DSE: variants seen among roughly 807,000 people sequenced by gnomAD.
DSE encodes the protein dermatan-sulfate epimerase.
In DSE, 36 loss-of-function variants were observed where a neutral mutation model predicts 84.4. The observed-to-expected ratio is 0.43, with a 90% CI of 0.33 to 0.56. DSE has a LOEUF of 0.56. Among genes scored for constraint, DSE ranks in the 20% least tolerant of loss-of-function variants. DSE has a pLI of 0.06. For missense variants in DSE, 862 were observed against 1,169.6 expected, an observed-to-expected ratio of 0.74 and a Z score of 3.84; for synonymous variants, 410 against 430.1, an observed-to-expected ratio of 0.95 and a Z score of 0.58.
chr6:116,288,628 A>T (rs1428208955), intron 2 of DSE: 1 of 152,114 alleles, frequency 6.6e-6, no homozygotes, highest in Non-Finnish European at 1.5e-5. Flanking sequence ...ATATGTGTCT[A>T]TTTTGATTTA....
At chr6:116,378,094 A>G (rs1780028996) in intron 1 of DSE, among the ~76,000 whole-genome samples, 1 of 152,052 alleles carries the variant, frequency 6.6e-6, no homozygotes, top group African/African-American at 2.4e-5. Flanking sequence ...AGGAAGGAAA[A>G]AAGTAGCCTG....
intron 2 of DSE, among the ~76,000 whole-genome samples, chr6:116,269,098 C>T (rs551175169): frequency 7.2e-5 from 11 of 151,918 alleles, no homozygotes; most frequent in African/African-American, 2.7e-4. Flanking sequence ...AAGGCTCTGA[C>T]CTGAATGACC....
chr6:116,365,982 C>G (rs1451501066), upstream of DSE: 1 of 152,244 alleles, frequency 6.6e-6, no homozygotes. Context: ...CCAGTCCACA[C>G]AAGACTGATT....
chr6:116,396,307 G>C (rs1451032867), intron 1 of DSE, among the ~76,000 whole-genome samples: 1 of 152,226 alleles, frequency 6.6e-6, no homozygotes, highest in Non-Finnish European at 1.5e-5. Flanking sequence ...AGATACAAGA[G>C]AGATCAACTC....
chr6:116,336,256 T>C (rs1257935678), intron 2 of DSE, among the ~76,000 whole-genome samples: 2 of 152,218 alleles, frequency 1.3e-5, no homozygotes, highest in African/African-American at 4.8e-5. Flanking sequence ...AGAATCTAAA[T>C]AGTTATCTAG....
At chr6:116,418,173 G>T (rs570290333) in intron 2 of DSE, among the ~76,000 whole-genome samples, 19 of 152,208 alleles carry the variant, frequency 1.2e-4, no homozygotes, top group Non-Finnish European at 2.6e-4. Flanking sequence ...ATGTTGACAG[G>T]AACAAACAAA....
rs150755633 is a variant in DSE at position 116,432,035 on chromosome 6, C to G, written c.910+842C>G. Among the ~76,000 whole-genome samples the G allele has an allele frequency of 2.8e-3, 430 of 152,230 alleles. 2 individuals are homozygous for G. Among genetic ancestry groups the G allele is most frequent in the Middle Eastern group, 0.02 (6 of 294 alleles). On this transcript the variant is annotated intron_variant, in intron 4 of 5. Coordinates refer to ENST00000644252, the MANE Select transcript of DSE (RefSeq NM_013352.4). ...GATTAATAGAATCTCCATTATTGGA[C>G]TAATTCAAAAATATTGCAGAGCATA...
intron 2 of DSE, among the ~76,000 whole-genome samples, chr6:116,263,692 T>C (rs892812472): frequency 1.3e-5 from 2 of 152,222 alleles, no homozygotes; most frequent in Admixed American, 6.5e-5. Flanking sequence ...GGTTGCTTTA[T>C]AATGTCCCTA....
At chr6:116,313,361 A>T (rs1775796529) in intron 2 of DSE, among the ~76,000 whole-genome samples, 1 of 152,222 alleles carries the variant, frequency 6.6e-6, no homozygotes, top group South Asian at 2.1e-4. Context: ...AGCCTTAGGA[A>T]ACTAATACAG....
chr6:116,365,816 C>G (rs1779137230), upstream of DSE, among the ~76,000 whole-genome samples: 1 of 152,204 alleles, frequency 6.6e-6, no homozygotes, highest in Non-Finnish European at 1.5e-5. Context: ...ACTGCCACGA[C>G]AATCCTTATC....
chr6:116,391,143 C>CA (rs2114973792), intron 1 of DSE, among the ~76,000 whole-genome samples: 1 of 152,296 alleles, frequency 6.6e-6, no homozygotes, highest in East Asian at 1.9e-4. Context: ...ACTGGTATAA[C>CA]AAAGAAAGTG....
chr6:116,309,783 A>T lies in DSE; in HGVS notation c.-54+50816A>T, dbSNP rs1321842021. ...GAGGAATGCTGTGTCTTCATATGGC[A>T]GAAGGCAGAAGGACAAAAAGGGAGC... On this transcript the variant is annotated intron_variant, in intron 2 of 3. Transcript: ENST00000430252. Among the ~76,000 whole-genome samples the T allele has an allele frequency of 2.0e-5, 3 of 152,220 alleles. No individual in the cohort carries two copies. In the East Asian group the frequency reaches 5.8e-4, roughly 29 times the overall value.
In DSE at chr6:116,399,249, C is replaced by A. The variant is rs763721304; in HGVS notation, c.-2C>A. The A allele has an allele frequency of 1.2e-6, 2 of 1,613,668 alleles. No individual in the cohort carries two copies. Among genetic ancestry groups the A allele is most frequent in the East Asian group, 4.5e-5 (2 of 44,878 alleles). On this transcript the variant is annotated 5_prime_UTR_variant, in exon 2 of 6. Coordinates refer to ENST00000644252, the MANE Select transcript of DSE (RefSeq NM_013352.4). ...TTGGAGATTTGGAGATCTGATGCCA[C>A]GATGAGGACTCACACACGGGGGGCT... is the stretch of plus-strand genomic sequence containing the variant.
At chr6:116,356,805 C>T (rs1778599153) in intron 2 of DSE, among the ~76,000 whole-genome samples, 1 of 152,142 alleles carries the variant, frequency 6.6e-6, no homozygotes, top group South Asian at 2.1e-4. Context: ...AGTAGCCACA[C>T]TGAGTGTTTT....
At chr6:116,355,829 C>T (rs1778537377) in intron 2 of DSE, 1 of 152,208 alleles carries the variant, frequency 6.6e-6, no homozygotes, top group Non-Finnish European at 1.5e-5. Context: ...ACAATCTGAC[C>T]TCCTTTGTTT....
At chr6:116,279,855 A>C (rs1313369741) in intron 2 of DSE, 1 of 1,613,088 alleles carries the variant, frequency 6.2e-7, no homozygotes, top group Middle Eastern at 1.6e-4. Flanking sequence ...GACCAACCGC[A>C]GGCGAACGCC....
At chr6:116,426,511 T>G in intron 2 of DSE, 63 bp from the exon 3 acceptor site, 1 of 1,574,000 alleles carries the variant, frequency 6.4e-7, no homozygotes, top group South Asian at 1.2e-5. Flanking sequence ...ATAGACACTT[T>G]AGAAGTGTGG....
intron 2 of DSE, among the ~76,000 whole-genome samples, chr6:116,345,335 G>T (rs1350392754): frequency 2.0e-5 from 3 of 152,090 alleles, no homozygotes; most frequent in Non-Finnish European, 4.4e-5. Flanking sequence ...GCACCGTATT[G>T]CACTTATTCC....
intron 2 of DSE, among the ~76,000 whole-genome samples, chr6:116,326,897 A>T (rs57818125): frequency 0.15 from 22,065 of 152,160 alleles, 1,709 homozygotes; most frequent in South Asian, 0.16. Context: ...GCCTAAGTTA[A>T]AAATATAACT....
Sources: allele counts gnomAD v4.1 joint callset (sites outside exome capture counted in the v4.1 genomes callset), GRCh38; gene constraint gnomAD v4.1.1; transcripts MANE v1.5; gene names NCBI Gene and HGNC (gene_info 2026-07-23, HGNC 2026-07-21).